The following CES5A variants were observed in gnomAD, a reference collection of about 807,000 sequenced individuals.
The protein encoded by CES5A is carboxylesterase 5.
Under a neutral mutation model 62.9 loss-of-function variants are expected in CES5A, and 67 were observed. That is an observed-to-expected ratio of 1.07 (90% CI 0.88 to 1.31). The LOEUF (loss-of-function observed/expected upper bound fraction) is 1.31, where lower values mean the gene tolerates loss of function less well. Ranked by LOEUF, CES5A falls within the 50% of genes most tolerant of loss-of-function variation. CES5A has a pLI of 0.00. For missense variants in CES5A, 748 were observed against 708.5 expected (o/e 1.06, Z -0.63); for synonymous variants, 296 against 280.8 (o/e 1.05, Z -0.54).
intron 1 of CES5A, among the ~76,000 whole-genome samples, chr16:55,894,507 AAAAAAAAAG>A (rs2033912255): frequency 6.6e-6 from 1 of 150,994 alleles, no homozygotes; most frequent in Non-Finnish European, 1.5e-5. Flanking sequence ...TCAAAAAAAA[AAAAAAAAAG>A]AAAAGAAAAG....
chr16:55,864,347 T>C (rs2033413607), intron 5 of CES5A, among the ~76,000 whole-genome samples: 1 of 152,232 alleles, frequency 6.6e-6, no homozygotes, highest in African/African-American at 2.4e-5. Context: ...GCAATTAACC[T>C]GCCAACTGAT....
chr16:55,872,033 C>T (rs1319167762), intron 2 of CES5A, among the ~76,000 whole-genome samples: 1 of 152,200 alleles, frequency 6.6e-6, no homozygotes, highest in East Asian at 1.9e-4. Context: ...CCTCCCATGC[C>T]TACACCACCC....
chr16:55,871,684 C>G lies in CES5A; in HGVS notation c.358G>C (p.Asp120His). ...GCATAGATGTTCAGGTAGAGGCAGT[C>G]TTCTGACACTCCGAATTTCGGGTAA... ...VHYPKFGVSE[D>H]CLYLNIYAPA... Residue 120 changes from aspartate to histidine, a missense_variant, in exon 3 of 13, where the codon GAC (aspartate) becomes CAC (histidine). Asp to His is a moderately conservative substitution (Grantham distance 81). Transcript: ENST00000290567. 6.2e-7 allele frequency: 1 copy of G among 1,614,128 alleles called. No individual in the cohort carries two copies. Among genetic ancestry groups the G allele is most frequent in the Non-Finnish European group, 8.5e-7 (1 of 1,180,020 alleles).
rs2034171413 is a variant in CES5A, at chr16:55,918,670, G to A, written c.-256+6653C>T. Among the ~76,000 whole-genome samples the A allele has an allele frequency of 3.3e-5, 5 of 152,304 alleles. No homozygotes were observed. The South Asian group carries it at 1.0e-3, about 32-fold the overall frequency. ...AAGAGGTGAAGTTATTTGCCCAGGAGCTTACAGATAAGCAAGCAAATTGAT... is the reference window on the plus strand; with the variant it reads ...AAGAGGTGAAGTTATTTGCCCAGGAACTTACAGATAAGCAAGCAAATTGAT... On this transcript the variant is annotated intron_variant, in intron 1 of 12. Coordinates refer to the CES5A transcript ENST00000518005.
chr16:55,908,877 C>A (rs1190466050), intron 1 of CES5A, among the ~76,000 whole-genome samples: 1 of 152,222 alleles, frequency 6.6e-6, no homozygotes, highest in Admixed American at 6.5e-5. Flanking sequence ...CACTTAGTAC[C>A]AGCTCCAGAG....
intron 6 of CES5A, among the ~76,000 whole-genome samples, chr16:55,861,917 C>A (rs1223988870): frequency 1.3e-5 from 2 of 152,132 alleles, no homozygotes; most frequent in Non-Finnish European, 2.9e-5. Flanking sequence ...GAGTGAGGAG[C>A]AGCTTTGGAA....
intron 1 of CES5A, among the ~76,000 whole-genome samples, chr16:55,918,655 G>A (rs2034171387): frequency 6.6e-6 from 1 of 152,218 alleles, no homozygotes; most frequent in African/African-American, 2.4e-5. Context: ...AAGAGGTGAA[G>A]TTATTTGCCC....
chr16:55,934,657 G>GT (rs2034349796), intron 2 of CES5A, among the ~76,000 whole-genome samples: 1 of 135,532 alleles, frequency 7.4e-6, no homozygotes. Flanking sequence ...AATTGTGTGG[G>GT]GTGTGTGTGT....
At chr16:55,883,667 C>G (rs2033784619) in intron 1 of CES5A, among the ~76,000 whole-genome samples, 1 of 152,172 alleles carries the variant, frequency 6.6e-6, no homozygotes, top group Non-Finnish European at 1.5e-5. Flanking sequence ...CTAACTTGGC[C>G]ATGAAGTGGG....
chr16:55,914,371 G>A (rs1360122516), intron 1 of CES5A, among the ~76,000 whole-genome samples: 4 of 151,890 alleles, frequency 2.6e-5, no homozygotes, highest in African/African-American at 4.9e-5. Flanking sequence ...GGCAAATGAT[G>A]TGTCTGACCC....
intron 1 of CES5A, among the ~76,000 whole-genome samples, chr16:55,905,027 T>G (rs545180745): frequency 1.3e-3 from 204 of 152,328 alleles, no homozygotes; most frequent in Non-Finnish European, 2.5e-3. Flanking sequence ...ATCCAAAATC[T>G]ACCACACCCA....
At chr16:55,949,548 C>A (rs1302409813) in intron 2 of CES5A, among the ~76,000 whole-genome samples, 2 of 152,194 alleles carry the variant, frequency 1.3e-5, no homozygotes, top group African/African-American at 4.8e-5. Flanking sequence ...TTCTTTATGT[C>A]CATCTCTTCT....
At chr16:55,869,211 A>G (rs1437159439) in intron 4 of CES5A, among the ~76,000 whole-genome samples, 7 of 152,130 alleles carry the variant, frequency 4.6e-5, no homozygotes, top group Admixed American at 4.6e-4. Context: ...CAGAAGTGAC[A>G]AGTGCCACCT....
intron 1 of CES5A, among the ~76,000 whole-genome samples, chr16:55,914,481 G>A (rs575345468): frequency 4.6e-5 from 7 of 152,156 alleles, no homozygotes; most frequent in Non-Finnish European, 7.3e-5. Context: ...CTGAGGCTAC[G>A]CCAGGGGATG....
At chr16:55,891,206 A>G (rs377704460) in intron 1 of CES5A, among the ~76,000 whole-genome samples, 1 of 152,264 alleles carries the variant, frequency 6.6e-6, no homozygotes, top group East Asian at 1.9e-4. Flanking sequence ...CCAATAGGGG[A>G]ATGACACAGC....
upstream of CES5A, chr16:55,925,501 C>T (rs1414429453): frequency 6.6e-6 from 1 of 152,040 alleles, no homozygotes; most frequent in East Asian, 1.9e-4. Flanking sequence ...TTCAGCAATT[C>T]AACTACTGGG....
At chr16:55,878,045 T>C (rs2033716449), upstream of CES5A, among the ~76,000 whole-genome samples, 1 of 152,102 alleles carries the variant, frequency 6.6e-6, no homozygotes, top group African/African-American at 2.4e-5. Context: ...ATGTCCCCAT[T>C]AGTAGCACAG....
intron 1 of CES5A, among the ~76,000 whole-genome samples, chr16:55,896,093 A>T (rs1374912291): frequency 6.6e-6 from 1 of 152,236 alleles, no homozygotes; most frequent in African/African-American, 2.4e-5. Context: ...TCACAGCTCC[A>T]CATAGCTTAG....
intron 5 of CES5A, 54 bp downstream of exon 5, chr16:55,865,909 T>TCA (rs1458485511): frequency 6.2e-7 from 1 of 1,602,290 alleles, no homozygotes; most frequent in East Asian, 2.2e-5. Flanking sequence ...CTCATCATCA[T>TCA]TTTTGGAACC....
Sources: allele counts gnomAD v4.1 joint callset (sites outside exome capture counted in the v4.1 genomes callset), GRCh38; gene constraint gnomAD v4.1.1; transcripts MANE v1.5; gene names NCBI Gene and HGNC (gene_info 2026-07-23, HGNC 2026-07-21).